Variants in GRM7 observed in about 807,000 individuals in gnomAD.
GRM7 encodes the protein metabotropic glutamate receptor 7.
Under a neutral mutation model 84.5 loss-of-function variants are expected in GRM7, and 35 were observed. The observed-to-expected ratio is 0.41, with a 90% CI of 0.32 to 0.55. The LOEUF is 0.55. Among genes scored for constraint, GRM7 ranks in the 20% least tolerant of loss-of-function variants. The probability of loss-of-function intolerance (pLI) is 0.19; values close to 1 mark genes in which losing one functional copy is unlikely to be tolerated. For synonymous variants in GRM7, 487 were observed against 455.1 expected (o/e 1.07, Z -0.89); for missense variants, 1,003 against 1,194.6 (o/e 0.84, Z 2.36).
intron 1 of GRM7, among the ~76,000 whole-genome samples, chr3:6,950,872 C>G (rs568998128): frequency 1.3e-5 from 2 of 152,344 alleles, no homozygotes; most frequent in African/African-American, 4.8e-5. Context: ...GGGATATAAT[C>G]TCCCAGTGTG....
At chr3:7,466,873 C>A (rs1033526199) in intron 7 of GRM7, among the ~76,000 whole-genome samples, 1 of 152,160 alleles carries the variant, frequency 6.6e-6, no homozygotes, top group Non-Finnish European at 1.5e-5. Flanking sequence ...TTAAAACTTA[C>A]ACTTCACACC....
chr3:7,255,560 G>T (rs1268265042), intron 2 of GRM7, among the ~76,000 whole-genome samples: 1 of 152,134 alleles, frequency 6.6e-6, no homozygotes, highest in Non-Finnish European at 1.5e-5. Context: ...GCATTTATTT[G>T]CTTCCAAATT....
intron 4 of GRM7, among the ~76,000 whole-genome samples, chr3:7,335,656 TA>T (rs1179841489): frequency 6.6e-6 from 1 of 151,940 alleles, no homozygotes; most frequent in Non-Finnish European, 1.5e-5. Flanking sequence ...AATAGACCAT[TA>T]GTGAAATTAA....
chr3:7,196,577 C>T (rs1040084302), intron 2 of GRM7, among the ~76,000 whole-genome samples: 3 of 152,070 alleles, frequency 2.0e-5, no homozygotes, highest in Non-Finnish European at 4.4e-5. Flanking sequence ...TCCCTCTGCC[C>T]GAAATGGCCT....
At chr3:7,161,176 T>C (rs1208531877) in intron 2 of GRM7, among the ~76,000 whole-genome samples, 2 of 152,034 alleles carry the variant, frequency 1.3e-5, no homozygotes, top group East Asian at 1.9e-4. Flanking sequence ...CCATCTTTAC[T>C]GTACAGTTCA....
chr3:6,968,726 T>C (rs899954440), intron 1 of GRM7, among the ~76,000 whole-genome samples: 8 of 152,174 alleles, frequency 5.3e-5, no homozygotes, highest in African/African-American at 1.9e-4. Flanking sequence ...GAGAGTTTTT[T>C]ATTGCAGGGT....
At chr3:7,163,793 C>T (rs552914249) in intron 2 of GRM7, among the ~76,000 whole-genome samples, 1 of 152,316 alleles carries the variant, frequency 6.6e-6, no homozygotes, top group Non-Finnish European at 1.5e-5. Flanking sequence ...TGTCTTGTTA[C>T]TTTCAAAGAA....
At chr3:6,945,078 A>C (rs1021428749) in intron 1 of GRM7, among the ~76,000 whole-genome samples, 12 of 151,204 alleles carry the variant, frequency 7.9e-5, no homozygotes, top group African/African-American at 2.7e-4. Flanking sequence ...TTTTTAAATT[A>C]TACTTTAAGT....
rs1421696394 is a variant in GRM7, at chr3:6,935,670, A to G, written c.519+73763A>G. ...GGAAAGGCTTTGATTTCTGTTTCTT[A>G]TTTTTAAATTATTATTATTATTATT... On this transcript the variant is annotated intron_variant, in intron 1 of 9. Transcript: ENST00000357716. 3.1e-5 allele frequency among the ~76,000 whole-genome samples: 4 copies of G among 130,492 alleles called. No individual in the cohort carries two copies. The South Asian group carries it at 9.0e-4, about 29-fold the overall frequency. 85.6% of individuals were successfully genotyped at this position (130,492 alleles called of 152,430 possible).
At chr3:7,606,895 T>G (rs193302122) in intron 8 of GRM7, 1 of 152,118 alleles carries the variant, frequency 6.6e-6, no homozygotes, top group Non-Finnish European at 1.5e-5. Flanking sequence ...GTCACTCTGG[T>G]GAAAAGAAAA....
chr3:6,985,018 C>T (rs995164735), intron 1 of GRM7, among the ~76,000 whole-genome samples: 1 of 152,182 alleles, frequency 6.6e-6, no homozygotes, highest in African/African-American at 2.4e-5. Context: ...CCTCTATAAA[C>T]AAGGCTCACA....
At chr3:7,068,116 G>A (rs1697732190) in intron 1 of GRM7, among the ~76,000 whole-genome samples, 1 of 151,916 alleles carries the variant, frequency 6.6e-6, no homozygotes, top group South Asian at 2.1e-4. Context: ...ATCTGAGACT[G>A]GGAGATTGCA....
At chr3:7,462,746 G>A (rs749432060) in intron 7 of GRM7, among the ~76,000 whole-genome samples, 9 of 152,080 alleles carry the variant, frequency 5.9e-5, no homozygotes, top group Non-Finnish European at 1.2e-4. Context: ...GCCTAGATCT[G>A]CTTGCACCTG....
rs375202304 is a variant in GRM7 at position 7,304,615 on chromosome 3, T to C, written c.879-1883T>C. Among the ~76,000 whole-genome samples the C allele has an allele frequency of 4.1e-4, 62 of 152,152 alleles. No homozygotes were observed. In the South Asian group the frequency reaches 0.012, roughly 29 times the overall value. ...TAGGTCTTCTTGGGTTGATTATTGG[T>C]AAGAGGAAGAAGAATCTTATTTCTT... On this transcript the variant is annotated intron_variant, in intron 3 of 9. Coordinates refer to ENST00000357716, the MANE Select transcript of GRM7 (RefSeq NM_000844.4).
At chr3:7,516,501 AAAAAGAAAT>A in intron 7 of GRM7, among the ~76,000 whole-genome samples, 1 of 128,826 alleles carries the variant, frequency 7.8e-6, no homozygotes, top group South Asian at 2.2e-4. Flanking sequence ...AAAAAAAAAA[AAAAAGAAAT>A]AGTTAGTTCA....
At chr3:7,738,424 CTAAG>C (rs1172045436) in intron 9 of GRM7, among the ~76,000 whole-genome samples, 2 of 152,128 alleles carry the variant, frequency 1.3e-5, no homozygotes, top group Non-Finnish European at 2.9e-5. Flanking sequence ...AGAAGATAAT[CTAAG>C]TAAAGCATCA....
chr3:6,954,096 T>C (rs1055672903), intron 1 of GRM7, among the ~76,000 whole-genome samples: 1 of 152,172 alleles, frequency 6.6e-6, no homozygotes, highest in African/African-American at 2.4e-5. Flanking sequence ...CAAATATGCA[T>C]AGAATGTACC....
chr3:7,226,961 G>C (rs1177669258), intron 2 of GRM7, among the ~76,000 whole-genome samples: 1 of 152,076 alleles, frequency 6.6e-6, no homozygotes, highest in Non-Finnish European at 1.5e-5. Context: ...TTACCATTAA[G>C]CATTTTCAAA....
At chr3:7,237,781 C>A (rs756720236) in intron 2 of GRM7, among the ~76,000 whole-genome samples, 5 of 152,086 alleles carry the variant, frequency 3.3e-5, no homozygotes, top group Admixed American at 6.5e-5. Flanking sequence ...AGCTTTTATT[C>A]CCTTATTTGG....
Sources: allele counts gnomAD v4.1 joint callset (sites outside exome capture counted in the v4.1 genomes callset), GRCh38; gene constraint gnomAD v4.1.1; transcripts MANE v1.5; gene names NCBI Gene and HGNC (gene_info 2026-07-23, HGNC 2026-07-21).